The following CNMD variants were observed in gnomAD, a reference collection of about 807,000 sequenced individuals.
CNMD encodes chondromodulin.
Under a neutral mutation model 37.5 loss-of-function variants are expected in CNMD, and 30 were observed. The observed-to-expected ratio is 0.80, with a 90% CI of 0.60 to 1.09. CNMD has a LOEUF of 1.09. CNMD is among the 50% of genes least tolerant of loss of function. The pLI, the probability that CNMD is intolerant of heterozygous loss-of-function variation, is 0.00. For missense variants in CNMD, 398 were observed against 423.9 expected (o/e 0.94, Z 0.54); for synonymous variants, 167 against 148.2 (o/e 1.13, Z -0.92).
At chr13:52,717,881 C>T (rs746034138) in intron 4 of CNMD, among the ~76,000 whole-genome samples, 4 of 152,184 alleles carry the variant, frequency 2.6e-5, no homozygotes, top group Non-Finnish European at 5.9e-5. Context: ...AGGAGTCCCT[C>T]TTTTTGTATT....
At chr13:52,725,949 A>C (rs1275598343) in intron 3 of CNMD, among the ~76,000 whole-genome samples, 1 of 152,236 alleles carries the variant, frequency 6.6e-6, no homozygotes, top group East Asian at 1.9e-4. Context: ...TGCAAAACAC[A>C]GAAGAAAAGG....
chr13:52,723,395 A>G (rs915383049), intron 4 of CNMD, among the ~76,000 whole-genome samples: 5 of 152,128 alleles, frequency 3.3e-5, no homozygotes, highest in Admixed American at 3.3e-4. Flanking sequence ...GCCTGCCTCT[A>G]TTGTGGAGTC....
chr13:52,728,816 C>T (rs951665006), intron 3 of CNMD, among the ~76,000 whole-genome samples: 8 of 152,116 alleles, frequency 5.3e-5, no homozygotes, highest in Non-Finnish European at 1.0e-4. Flanking sequence ...AGTCGACACA[C>T]CGCAGTGAGA....
At chr13:52,732,578 G>C (rs1964691073) in intron 3 of CNMD, among the ~76,000 whole-genome samples, 1 of 152,118 alleles carries the variant, frequency 6.6e-6, no homozygotes, top group Admixed American at 6.5e-5. Flanking sequence ...ATTTGCTCAT[G>C]GTCATTTTCT....
chr13:52,721,639 C>G, intron 4 of CNMD, among the ~76,000 whole-genome samples: 1 of 152,328 alleles, frequency 6.6e-6, no homozygotes, highest in African/African-American at 2.4e-5. Context: ...CTAACCACTC[C>G]CAGTGAGATA....
At chr13:52,711,916 C>T (rs918352715) in intron 5 of CNMD, among the ~76,000 whole-genome samples, 1 of 148,766 alleles carries the variant, frequency 6.7e-6, no homozygotes, top group Non-Finnish European at 1.5e-5. Flanking sequence ...TTTTAAAGGC[C>T]TATATTTTCT....
At chr13:52,715,766 G>A (rs1030890921) in intron 4 of CNMD, among the ~76,000 whole-genome samples, 1 of 152,190 alleles carries the variant, frequency 6.6e-6, no homozygotes, top group Admixed American at 6.5e-5. Context: ...GGGCATTTGG[G>A]TTGGTTCCAA....
chr13:52,704,759 G>C (rs9536245), intron 6 of CNMD, among the ~76,000 whole-genome samples: 139,452 of 152,204 alleles, frequency 0.92, 64,135 homozygotes, highest in East Asian at 0.99. Context: ...TCGGGGAGTG[G>C]GGGGAGTTAT....
At chr13:52,708,474 C>T in intron 6 of CNMD, 62 bp downstream of exon 6, 2 of 1,487,408 alleles carry the variant, frequency 1.3e-6, no homozygotes, top group Non-Finnish European at 1.8e-6. Context: ...AGCCACCACG[C>T]CCGGCCTTGG....
chr13:52,728,525 A>C (rs1964612713), intron 3 of CNMD, among the ~76,000 whole-genome samples: 1 of 152,174 alleles, frequency 6.6e-6, no homozygotes, highest in Admixed American at 6.5e-5. Context: ...CCTGAGGAAT[A>C]CACGTGGAGA....
chr13:52,730,593 A>G (rs569938950), intron 3 of CNMD, among the ~76,000 whole-genome samples: 80 of 151,962 alleles, frequency 5.3e-4, no homozygotes, highest in African/African-American at 1.9e-3. Flanking sequence ...GCATTTTTTC[A>G]TGTGTTTTTT....
chr13:52,739,050 CAGA>C lies in CNMD; in HGVS notation c.191_193del (p.Phe64del), dbSNP rs1566235279. 1.3e-6 allele frequency: 2 copies of C among 1,580,544 alleles called. No individual in the cohort carries two copies. Among genetic ancestry groups the C allele is most frequent in the Admixed American group, 1.8e-5 (1 of 55,890 alleles). On this transcript the variant is annotated inframe_deletion, in exon 2 of 7. Transcript: ENST00000377962. The surrounding 1 kb of genome is among the most constrained non-coding windows in gnomAD (Gnocchi z 5.4). ...ACTTACGTGACTGTCGCTCCCCTTC[CAGA>C]AGTAGAAGGCCCCGATGGCCCCAAA...
chr13:52,703,677 T>C lies in CNMD; in HGVS notation c.923A>G (p.Tyr308Cys), dbSNP rs1487052096. 7 of 1,614,060 alleles carry C rather than the reference T, an allele frequency of 4.3e-6. No homozygotes were observed. The African/African-American group carries it at 6.7e-5, about 15-fold the overall frequency. The change falls in exon 7 of 7, where the codon TAT becomes TGT. Residue 308 changes from tyrosine (Y) to cysteine (C), a missense_variant. Physicochemically the swap from Tyr to Cys is radical, Grantham distance 194. Coordinates refer to ENST00000377962, the MANE Select transcript of CNMD (RefSeq NM_007015.3). ...GGCCGAACGGCAGCCTTGATAATTATAAGGCCATGGGTAATAGCCCCCCAG... is the reference window on the plus strand; with the variant it reads ...GGCCGAACGGCAGCCTTGATAATTACAAGGCCATGGGTAATAGCCCCCCAG... ...EPLGGYYPWP[Y>C]NYQGCRSACR...
At chr13:52,724,408 CT>C (rs2138255000) in intron 3 of CNMD, among the ~76,000 whole-genome samples, 1 of 49,672 alleles carries the variant, frequency 2.0e-5, no homozygotes, top group Non-Finnish European at 3.6e-5. Flanking sequence ...CCGATCTCTA[CT>C]AAAAATACAA....
chr13:52,708,664 C>T lies in CNMD; in HGVS notation c.661G>A (p.Val221Ile). Reference protein sequence around the residue: ...RERREVVRKIVPTTTKRPHSG... With the variant: ...RERREVVRKIIPTTTKRPHSG... ...TGTGGTCTTTTTGTGGTAGTTGGAA[C>T]AATTTTTCTTACCACTTCTCTTCTT... The change falls in exon 6 of 7, where the codon GTT becomes ATT. Residue 221 changes from valine to isoleucine, a missense_variant. Transcript: ENST00000377962. 6.2e-7 allele frequency: 1 copy of T among 1,611,388 alleles called. No individual in the cohort carries two copies. The highest frequency in any genetic ancestry group is 8.5e-7 in the Non-Finnish European group (1 of 1,179,308).
rs1964329495 is a variant in CNMD, at chr13:52,713,893, A to G, written c.469-1024T>C. On this transcript the variant is annotated intron_variant, in intron 4 of 6. Coordinates refer to ENST00000377962, the MANE Select transcript of CNMD (RefSeq NM_007015.3). ...TGCTAAGAATGTTAAATAAATCTTG[A>G]GGCATGTACTTTTGGTTGCCTACCC... 2.0e-5 allele frequency among the ~76,000 whole-genome samples: 3 copies of G among 152,192 alleles called. No homozygotes were observed. The South Asian group carries it at 6.2e-4, about 32-fold the overall frequency.
At chr13:52,710,025 G>A (rs759300228) in intron 5 of CNMD, among the ~76,000 whole-genome samples, 3 of 152,108 alleles carry the variant, frequency 2.0e-5, no homozygotes, top group Non-Finnish European at 4.4e-5. Context: ...CTCTGAGCCC[G>A]TTTCGTTATC....
intron 5 of CNMD, among the ~76,000 whole-genome samples, chr13:52,711,485 A>G (rs1429033771): frequency 3.3e-5 from 5 of 152,110 alleles, no homozygotes; most frequent in Non-Finnish European, 7.4e-5. Flanking sequence ...TGAGTTTGGA[A>G]TTCTTTCTTA....
At chr13:52,715,165 A>T (rs967371603) in intron 4 of CNMD, among the ~76,000 whole-genome samples, 2 of 152,232 alleles carry the variant, frequency 1.3e-5, no homozygotes, top group African/African-American at 2.4e-5. Flanking sequence ...TAGTTTTTTT[A>T]AAAATGTATA....
Sources: gnomAD v4.1 joint callset for allele counts (sites outside exome capture counted in the v4.1 genomes callset) on GRCh38, gnomAD v4.1.1 for gene constraint, Gnocchi (gnomAD v3.1) non-coding constraint, MANE v1.5 for transcripts, NCBI Gene and HGNC (gene_info 2026-07-23, HGNC 2026-07-21) for gene names.